CHL1: variants seen among roughly 807,000 people sequenced by gnomAD.
CHL1 encodes neural cell adhesion molecule L1-like protein.
In CHL1, 96 loss-of-function variants were observed where a neutral mutation model predicts 141.9. That is an observed-to-expected ratio of 0.68 (90% CI 0.57 to 0.80). CHL1 has a LOEUF of 0.80. CHL1 is among the 30% of genes least tolerant of loss of function. The probability of loss-of-function intolerance (pLI) is 0.00; values close to 1 mark genes in which losing one functional copy is unlikely to be tolerated. For synonymous variants in CHL1, 613 were observed against 502.2 expected (o/e 1.22, Z -2.95); for missense variants, 1,820 against 1,457.2 (o/e 1.25, Z -4.05).
At chr3:239,636 G>A (rs4003416) in intron 1 of CHL1, among the ~76,000 whole-genome samples, 62,697 of 148,788 alleles carry the variant, frequency 0.42, 16,048 homozygotes, top group Non-Finnish European at 0.55. Context: ...TAGGCTTTTG[G>A]GAAACGGGTG....
rs934613708 is a variant in CHL1 at position 360,588 on chromosome 3, T to C, written c.1306+164T>C. On this transcript the variant is annotated intron_variant, in intron 12 of 27. Coordinates refer to ENST00000256509, the MANE Select transcript of CHL1 (RefSeq NM_006614.4). The stretch of plus-strand genomic sequence containing the variant: ...TTAGACTTCACACTGAAATTGTACT[T>C]TCTTTTTTTTTTTTATTATACTTTA... 1.7e-3 allele frequency among the ~76,000 whole-genome samples: 18 copies of C among 10,712 alleles called. 1 individual carries two copies. Among genetic ancestry groups the C allele is most frequent in the African/African-American group, 2.2e-3 (16 of 7,154 alleles). The allele number at this position is 10,712 out of a possible 152,430, so 7.0% of individuals were successfully genotyped here. A position where few individuals can be genotyped will look rare whatever the true frequency, so the allele number is the denominator to read the frequency against.
chr3:392,788 T>C (rs114733620), intron 23 of CHL1, among the ~76,000 whole-genome samples: 334 of 152,340 alleles, frequency 2.2e-3, no homozygotes, highest in Non-Finnish European at 3.6e-3. Flanking sequence ...AATTAGCACG[T>C]ATGTTTAAAT....
intron 3 of CHL1, among the ~76,000 whole-genome samples, chr3:321,203 C>G (rs1700535523): frequency 6.6e-6 from 1 of 152,008 alleles, no homozygotes; most frequent in Non-Finnish European, 1.5e-5. Flanking sequence ...AATTGTAGTT[C>G]CATCCCCCCA....
chr3:239,043 C>T (rs1320715835), intron 1 of CHL1, among the ~76,000 whole-genome samples: 1 of 152,006 alleles, frequency 6.6e-6, no homozygotes, highest in African/African-American at 2.4e-5. Context: ...GGTTCATATG[C>T]TACCACGTGG....
chr3:250,593 T>C (rs999913660), intron 2 of CHL1, among the ~76,000 whole-genome samples: 2 of 152,066 alleles, frequency 1.3e-5, no homozygotes, highest in Non-Finnish European at 2.9e-5. Context: ...AGGAAGTGTA[T>C]GTCCTCCTTT....
At chr3:296,341 A>G (rs771227750) in intron 2 of CHL1, among the ~76,000 whole-genome samples, 38 of 152,314 alleles carry the variant, frequency 2.5e-4, no homozygotes, top group Non-Finnish European at 5.3e-4. Context: ...GGAATTTACT[A>G]TTTTATATAC....
intron 12 of CHL1, 53 bp from the exon 13 acceptor site, chr3:361,646 C>A: frequency 1.6e-6 from 2 of 1,221,220 alleles, no homozygotes; most frequent in Non-Finnish European, 2.4e-6. Context: ...ATTTAATTTG[C>A]ATATCTTTCT....
At chr3:206,936 TA>T (rs1264347720) in intron 1 of CHL1, among the ~76,000 whole-genome samples, 7 of 152,380 alleles carry the variant, frequency 4.6e-5, no homozygotes, top group Non-Finnish European at 7.3e-5. Flanking sequence ...GAGTATCTGC[TA>T]TTCCAGATTA....
chr3:408,842 T>C lies in CHL1; in HGVS notation c.*3131T>C, dbSNP rs886223355. 1.3e-5 allele frequency: 2 copies of C among 152,078 alleles called. No individual in the cohort carries two copies. The highest frequency in any genetic ancestry group is 2.9e-5 in the Non-Finnish European group (2 of 67,984). The allele number at this position is 152,078 out of a possible 1,614,324, so 9.4% of individuals were successfully genotyped here. A position where few individuals can be genotyped will look rare whatever the true frequency, so the allele number is the denominator to read the frequency against. Reference sequence around the variant, plus strand: ...ATTTGGTGGTTTTATTCTATCGGTATAAAGGCATTGATATTTTAGATGCAC... The same window carrying C: ...ATTTGGTGGTTTTATTCTATCGGTACAAAGGCATTGATATTTTAGATGCAC... On this transcript the variant is annotated 3_prime_UTR_variant, in exon 28 of 28. Coordinates refer to ENST00000256509, the MANE Select transcript of CHL1 (RefSeq NM_006614.4).
At chr3:313,435 C>G (rs1699908945) in intron 2 of CHL1, among the ~76,000 whole-genome samples, 1 of 151,788 alleles carries the variant, frequency 6.6e-6, no homozygotes, top group African/African-American at 2.4e-5. Context: ...TTTTAAATTC[C>G]AGCATATAAA....
chr3:337,543 T>A (rs981956666), intron 5 of CHL1, among the ~76,000 whole-genome samples: 6 of 122,132 alleles, frequency 4.9e-5, no homozygotes, highest in Non-Finnish European at 6.5e-5. Flanking sequence ...CAGGCCCCGG[T>A]GTGTGATGTC....
rs780283581 is a variant in CHL1 at position 341,941 on chromosome 3, G to C, written c.538G>C (p.Val180Leu). The C allele has an allele frequency of 1.1e-5, 18 of 1,612,278 alleles. No homozygotes were observed. The East Asian group carries it at 3.6e-4, about 32-fold the overall frequency. The change falls in exon 7 of 28, where the codon GTA becomes CTA. Residue 180 changes from valine to leucine, a missense_variant. Coordinates refer to ENST00000256509, the MANE Select transcript of CHL1 (RefSeq NM_006614.4). ...ELEHIEQDER[V>L]YMSQKGDLYF... ...AGAACACATCGAACAAGATGAAAGA[G>C]TATACATGAGCCAAAAGGGAGATCT...
intron 2 of CHL1, among the ~76,000 whole-genome samples, chr3:303,508 G>A (rs1244536291): frequency 6.6e-6 from 1 of 152,058 alleles, no homozygotes; most frequent in Non-Finnish European, 1.5e-5. Context: ...ATTGTGAATG[G>A]GAGTTCACTC....
rs1425524319 is a variant in CHL1 at position 360,343 on chromosome 3, C to G, written c.1225C>G (p.Pro409Ala). The change falls in exon 12 of 28, where the codon CCA becomes GCA. Residue 409 changes from proline (P) to alanine (A), a missense_variant. Pro to Ala is a conservative substitution (Grantham distance 27). Transcript: ENST00000256509. ...PREISFTNLQ[P>A]NHTAVYQCEA... ...GGAAATCAGTTTTACCAACCTTCAA[C>G]CAAATCATACTGCTGTGTACCAGTG... The G allele has an allele frequency of 2.5e-6, 4 of 1,613,776 alleles. No homozygotes were observed. Among genetic ancestry groups the G allele is most frequent in the Non-Finnish European group, 3.4e-6 (4 of 1,179,786 alleles).
intron 2 of CHL1, among the ~76,000 whole-genome samples, chr3:304,236 C>G (rs1042445413): frequency 4.6e-5 from 7 of 152,148 alleles, no homozygotes; most frequent in Non-Finnish European, 1.0e-4. Flanking sequence ...GTTTTGGTAT[C>G]AGGATGATGC....
Position 202,162 on chromosome 3 carries a change from C to A in CHL1, c.-175+5099C>A, listed in dbSNP as rs73088636. ...TTCTTCTTTAGAAACGGGGAAATAG[C>A]CATACTTAGCTCACATGTCACATGT... On this transcript the variant is annotated intron_variant, in intron 1 of 27. Coordinates refer to ENST00000256509, the MANE Select transcript of CHL1 (RefSeq NM_006614.4). Among the ~76,000 whole-genome samples, 958 of 152,262 alleles carry A rather than the reference C, an allele frequency of 6.3e-3. 7 individuals are homozygous for A. Among genetic ancestry groups the A allele is most frequent in the African/African-American group, 0.021 (887 of 41,530 alleles).
At chr3:320,241 C>T (rs372207593) in intron 3 of CHL1, among the ~76,000 whole-genome samples, 9 of 151,766 alleles carry the variant, frequency 5.9e-5, no homozygotes, top group South Asian at 2.1e-4. Flanking sequence ...CAAATTATGT[C>T]GAAAAGGAAT....
At chr3:354,576 C>T in intron 10 of CHL1, 64 bp from the exon 11 acceptor site, 3 of 1,544,362 alleles carry the variant, frequency 1.9e-6, no homozygotes, top group Non-Finnish European at 1.7e-6. Context: ...AAATACAGGC[C>T]TTAACATTTT....
In CHL1 at chr3:398,240, G is replaced by C; in HGVS notation, c.3108G>C (p.Gly1036=). Residue 1036 remains glycine, a synonymous_variant, in exon 25 of 28, where the codon GGG becomes GGC. Transcript: ENST00000256509. ...STLGEGSKGI[G]KISGVNLTQK... ...TACATTTCTTAGGTAAAGGTATCGGGAAGATATCAGGAGTAAATCTTACTC... is the reference window on the plus strand; with the variant it reads ...TACATTTCTTAGGTAAAGGTATCGGCAAGATATCAGGAGTAAATCTTACTC... 2.5e-6 allele frequency: 4 copies of C among 1,598,316 alleles called. No homozygotes were observed. The highest frequency in any genetic ancestry group is 3.4e-6 in the Non-Finnish European group (4 of 1,168,846).
Sources: allele counts gnomAD v4.1 joint callset (sites outside exome capture counted in the v4.1 genomes callset), GRCh38; gene constraint gnomAD v4.1.1; transcripts MANE v1.5; gene names NCBI Gene and HGNC (gene_info 2026-07-23, HGNC 2026-07-21).